ENPP3: variants seen among roughly 807,000 people sequenced by gnomAD.
ENPP3 encodes ectonucleotide pyrophosphatase/phosphodiesterase 3, also known as ectonucleotide pyrophosphatase/phosphodiesterase family member 3.
In ENPP3, 104 loss-of-function variants were observed where a neutral mutation model predicts 117.8. That is an observed-to-expected ratio of 0.88 (90% confidence interval 0.75 to 1.04). ENPP3 has a LOEUF of 1.04. ENPP3 is among the 50% of genes least tolerant of loss of function. The pLI, the probability that ENPP3 is intolerant of heterozygous loss-of-function variation, is 0.00. For synonymous variants in ENPP3, 380 were observed against 349.9 expected, an observed-to-expected ratio of 1.09 and a Z score of -0.96; for missense variants, 1,026 against 1,051.9, an observed-to-expected ratio of 0.98 and a Z score of 0.34.
intron 5 of ENPP3, among the ~76,000 whole-genome samples, chr6:131,654,617 A>AT (rs1188929050): frequency 6.6e-6 from 1 of 151,864 alleles, no homozygotes; most frequent in East Asian, 1.9e-4. Flanking sequence ...TAATTCATTT[A>AT]TTTTTTGTAG....
At chr6:131,663,879 T>A (rs1207885734) in intron 6 of ENPP3, among the ~76,000 whole-genome samples, 1 of 152,150 alleles carries the variant, frequency 6.6e-6, no homozygotes, top group Non-Finnish European at 1.5e-5. Context: ...TGACTGTTAC[T>A]GGTTTATGTA....
chr6:131,674,156 T>C lies in ENPP3; in HGVS notation c.643-6T>C. 2 of 1,505,678 alleles carry C rather than the reference T, an allele frequency of 1.3e-6. No homozygotes were observed. The highest frequency in any genetic ancestry group is 1.8e-6 in the Non-Finnish European group (2 of 1,087,352). The allele number at this position is 1,505,678 out of a possible 1,614,324, so 93.3% of individuals were successfully genotyped here. On this transcript the variant is annotated splice_region_variant and splice_polypyrimidine_tract_variant and intron_variant, in intron 7 of 24. Coordinates refer to ENST00000357639, the MANE Select transcript of ENPP3 (RefSeq NM_005021.5). Reference sequence around the variant, plus strand: ...TCTTACATCTTTTTTGAAATTATCATTTTAGGGCTTGTATCCAGAGTCACA... The same window carrying C: ...TCTTACATCTTTTTTGAAATTATCACTTTAGGGCTTGTATCCAGAGTCACA...
intron 2 of ENPP3, 56 bp from the exon 3 acceptor site, chr6:131,649,971 G>A: frequency 6.2e-7 from 1 of 1,601,674 alleles, no homozygotes; most frequent in Non-Finnish European, 8.6e-7. Context: ...CACTGCTTAG[G>A]TATGAGATAT....
chr6:131,663,524 CAAAAAAAAA>C (rs766427836), intron 6 of ENPP3, among the ~76,000 whole-genome samples: 1 of 83,604 alleles, frequency 1.2e-5, no homozygotes, highest in Non-Finnish European at 2.5e-5. Context: ...CTGTCTCTAC[CAAAAAAAAA>C]AAAAAAAAAA....
At chr6:131,732,710 CATTATTATTATTATT>C (rs71030755) in intron 20 of ENPP3, among the ~76,000 whole-genome samples, 11 of 131,750 alleles carry the variant, frequency 8.3e-5, no homozygotes, top group Non-Finnish European at 1.3e-4. Context: ...TGGCCTAAGA[CATTATTATTATTATT>C]ATTATTATTA....
intron 11 of ENPP3, among the ~76,000 whole-genome samples, chr6:131,678,507 G>A (rs1778920597): frequency 2.6e-5 from 4 of 151,972 alleles, no homozygotes; most frequent in Admixed American, 2.6e-4. Context: ...CTTAAATATT[G>A]CGTTTAACAA....
At chr6:131,667,006 A>G (rs1258360759) in intron 6 of ENPP3, among the ~76,000 whole-genome samples, 1 of 152,104 alleles carries the variant, frequency 6.6e-6, no homozygotes, top group Non-Finnish European at 1.5e-5. Context: ...AGTGAAACTT[A>G]TCTTGGAAGG....
intron 1 of ENPP3, 80 bp from the exon 2 acceptor site, chr6:131,641,375 A>G: frequency 1.2e-6 from 1 of 845,436 alleles, no homozygotes; most frequent in Non-Finnish European, 1.9e-6. Context: ...ACTTAGAGAG[A>G]ATACTGAGAA....
At chr6:131,654,244 C>T (rs555007514) in intron 5 of ENPP3, among the ~76,000 whole-genome samples, 1 of 152,078 alleles carries the variant, frequency 6.6e-6, no homozygotes, top group Non-Finnish European at 1.5e-5. Flanking sequence ...AGCTATCCTC[C>T]CATCTCGGCC....
At chr6:131,744,802 TACACACAC>T (rs72401502) in intron 24 of ENPP3, among the ~76,000 whole-genome samples, 104 of 146,868 alleles carry the variant, frequency 7.1e-4, no homozygotes, top group Non-Finnish European at 1.2e-3. Flanking sequence ...AGGTCATTTA[TACACACAC>T]ACACACACAC....
intron 19 of ENPP3, 93 bp downstream of exon 19, chr6:131,724,184 A>G: frequency 5.1e-6 from 4 of 783,718 alleles, no homozygotes; most frequent in Non-Finnish European, 6.2e-6. Flanking sequence ...AAGCTGACAG[A>G]GGTTCCTGAA....
intron 20 of ENPP3, among the ~76,000 whole-genome samples, chr6:131,726,600 G>A (rs537127654): frequency 3.0e-4 from 46 of 152,304 alleles, no homozygotes; most frequent in African/African-American, 9.6e-4. Context: ...TATTTAACAA[G>A]TACTTTACTA....
intron 7 of ENPP3, among the ~76,000 whole-genome samples, chr6:131,672,271 T>C (rs1015920387): frequency 1.3e-5 from 2 of 152,198 alleles, no homozygotes; most frequent in African/African-American, 4.8e-5. Flanking sequence ...ACAATCTCAC[T>C]GTCTATTGAA....
At chr6:131,730,150 G>A in intron 20 of ENPP3, among the ~76,000 whole-genome samples, 1 of 152,146 alleles carries the variant, frequency 6.6e-6, no homozygotes, top group Non-Finnish European at 1.5e-5. Flanking sequence ...TTACTAATGT[G>A]AAATGTTTGA....
At chr6:131,685,765 G>T (rs532531120) in intron 13 of ENPP3, 111 bp from the exon 14 acceptor site, 1 of 670,176 alleles carries the variant, frequency 1.5e-6, no homozygotes, top group East Asian at 2.8e-5. Context: ...AATTTTACCA[G>T]ATCACAGTTA....
intron 2 of ENPP3, among the ~76,000 whole-genome samples, chr6:131,641,764 A>G (rs1778046437): frequency 8.1e-6 from 1 of 123,482 alleles, no homozygotes; most frequent in African/African-American, 3.2e-5. Context: ...ACTCATTATC[A>G]TTCCAGTGTT....
At chr6:131,705,834 T>G (rs1277775936) in intron 15 of ENPP3, among the ~76,000 whole-genome samples, 9 of 124,844 alleles carry the variant, frequency 7.2e-5, no homozygotes, top group Non-Finnish European at 1.4e-4. Context: ...TCCCACAAGA[T>G]TATAATGGGG....
rs1449018147 is a variant in ENPP3 at position 131,738,159 on chromosome 6, A to G, written c.2296A>G (p.Thr766Ala). Residue 766 changes from threonine to alanine, a missense_variant, in exon 23 of 25, where the codon ACC becomes GCC. Thr to Ala is a moderately conservative substitution (Grantham distance 58). Coordinates refer to ENST00000357639, the MANE Select transcript of ENPP3 (RefSeq NM_005021.5). ...CCATTTTGATGCTCCAGATGAAATTACCAAGTAAGTGATTTGACTTTTTGA... is the reference window on the plus strand; with the variant it reads ...CCATTTTGATGCTCCAGATGAAATTGCCAAGTAAGTGATTTGACTTTTTGA... ...DGHFDAPDEI[T>A]KHLANTDVPI... The G allele has an allele frequency of 6.2e-7, 1 of 1,610,468 alleles. No homozygotes were observed. Among genetic ancestry groups the G allele is most frequent in the Non-Finnish European group, 8.5e-7 (1 of 1,178,478 alleles).
chr6:131,658,282 G>C (rs201971064), intron 5 of ENPP3, 41 bp from the exon 6 acceptor site: 17 of 1,039,282 alleles, frequency 1.6e-5, no homozygotes, highest in Admixed American at 1.5e-4. Context: ...GGTAAATGTA[G>C]CTATCCAAAA....
Sources: gnomAD v4.1 joint callset for allele counts (sites outside exome capture counted in the v4.1 genomes callset) on GRCh38, gnomAD v4.1.1 for gene constraint, MANE v1.5 for transcripts, NCBI Gene and HGNC (gene_info 2026-07-23, HGNC 2026-07-21) for gene names.